SORCS1: variants seen among roughly 807,000 people sequenced by gnomAD.
SORCS1 encodes the protein sortilin related VPS10 domain containing receptor 1.
Under a neutral mutation model 146.1 loss-of-function variants are expected in SORCS1, and 60 were observed. That is an observed-to-expected ratio of 0.41 (90% CI 0.33 to 0.51). SORCS1 has a LOEUF of 0.51. SORCS1 is among the 20% of genes least tolerant of loss of function. SORCS1 has a pLI of 0.21. For synonymous variants in SORCS1, 637 were observed against 584.0 expected (o/e 1.09, Z -1.31); for missense variants, 1,352 against 1,487.6 (o/e 0.91, Z 1.50).
At chr10:107,048,835 C>A (rs975013914) in intron 1 of SORCS1, among the ~76,000 whole-genome samples, 1 of 152,158 alleles carries the variant, frequency 6.6e-6, no homozygotes, top group African/African-American at 2.4e-5. Context: ...TATTTTGACA[C>A]AGCCACATGA....
chr10:106,738,623 C>A (rs1032347202), intron 5 of SORCS1, among the ~76,000 whole-genome samples: 2 of 152,214 alleles, frequency 1.3e-5, no homozygotes, highest in Non-Finnish European at 2.9e-5. Flanking sequence ...AAGAGAGAAC[C>A]TCTCCACTTC....
Position 106,620,199 on chromosome 10 carries a change from C to T in SORCS1, c.2796+229G>A, listed in dbSNP as rs529777964. ...AAAGACAAGTACAGCTGGAGAAAAA[C>T]GTAAACATAGAGGAAGGCAGAGATG... On this transcript the variant is annotated intron_variant, in intron 20 of 25. Coordinates refer to ENST00000263054, the MANE Select transcript of SORCS1 (RefSeq NM_052918.5). The T allele has an allele frequency of 5.2e-5, 23 of 441,240 alleles. No individual in the cohort carries two copies. In the South Asian group the frequency reaches 5.7e-4, roughly 11 times the overall value. The allele number at this position is 441,240 out of a possible 1,614,324, so 27.3% of individuals were successfully genotyped here.
At chr10:106,622,902 TA>T (rs1439608260) in intron 19 of SORCS1, among the ~76,000 whole-genome samples, 1 of 152,164 alleles carries the variant, frequency 6.6e-6, no homozygotes, top group African/African-American at 2.4e-5. Flanking sequence ...AAATAGCTAT[TA>T]AGAGTTGCTG....
intron 2 of SORCS1, among the ~76,000 whole-genome samples, chr10:106,918,518 C>A (rs1208343882): frequency 6.6e-6 from 1 of 152,012 alleles, no homozygotes; most frequent in African/African-American, 2.4e-5. Context: ...TTGCTACATA[C>A]CCTCACATAC....
chr10:107,169,291 T>G (rs376715194), upstream of SORCS1, among the ~76,000 whole-genome samples: 4 of 152,292 alleles, frequency 2.6e-5, no homozygotes, highest in East Asian at 7.7e-4. Context: ...ATCAATTTCA[T>G]GAAGAACCAC....
At chr10:106,924,908 C>A (rs1186104505) in intron 2 of SORCS1, among the ~76,000 whole-genome samples, 1 of 152,056 alleles carries the variant, frequency 6.6e-6, no homozygotes, top group Non-Finnish European at 1.5e-5. Context: ...CTGTTTTCAA[C>A]AAACTTCAGA....
intron 18 of SORCS1, among the ~76,000 whole-genome samples, chr10:106,646,804 T>C (rs7088196): frequency 0.16 from 23,617 of 151,802 alleles, 2,531 homozygotes; most frequent in East Asian, 0.31. Context: ...TATTCCCATA[T>C]GGATATTCAA....
Position 106,873,500 on chromosome 10 carries a change from A to C in SORCS1, c.627-43827T>G, listed in dbSNP as rs1004133631. Among the ~76,000 whole-genome samples the C allele has an allele frequency of 5.3e-5, 8 of 152,222 alleles. No homozygotes were observed. In the East Asian group the frequency reaches 5.8e-4, roughly 11 times the overall value. ...CAGAAAACACTGTTTGAGGAAGGTG[A>C]ATTGGTGGCATATAATGTTAGAGAA... On this transcript the variant is annotated intron_variant, in intron 2 of 25. Transcript: ENST00000263054.
At chr10:106,820,018 A>G (rs1947933441) in intron 3 of SORCS1, among the ~76,000 whole-genome samples, 1 of 152,090 alleles carries the variant, frequency 6.6e-6, no homozygotes, top group African/African-American at 2.4e-5. Flanking sequence ...TCTCGGCTTT[A>G]CCTCTGTATC....
chr10:106,769,484 C>CAAAAAAAA (rs61628916), intron 4 of SORCS1, among the ~76,000 whole-genome samples: 2 of 84,352 alleles, frequency 2.4e-5, no homozygotes, highest in African/African-American at 4.7e-5. Flanking sequence ...GACTCCGTCT[C>CAAAAAAAA]AAAAAAAAAA....
chr10:107,095,120 GAGAA>G (rs1281542923), intron 1 of SORCS1, among the ~76,000 whole-genome samples: 1 of 152,162 alleles, frequency 6.6e-6, no homozygotes, highest in Non-Finnish European at 1.5e-5. Flanking sequence ...GACTGTGGAG[GAGAA>G]AGAGTTAGAG....
intron 1 of SORCS1, among the ~76,000 whole-genome samples, chr10:107,078,934 T>C (rs1407599911): frequency 6.6e-6 from 1 of 152,140 alleles, no homozygotes; most frequent in Non-Finnish European, 1.5e-5. Context: ...TTAAAAATGG[T>C]GTTGAGATCG....
rs540261317 is a variant in SORCS1, at chr10:106,576,479, G to GT, written c.*940dup. The GT allele has an allele frequency of 2.6e-5, 4 of 152,276 alleles. No individual in the cohort carries two copies. The highest frequency in any genetic ancestry group is 5.9e-5 in the Non-Finnish European group (4 of 68,068). The allele number at this position is 152,276 out of a possible 1,614,324, so 9.4% of individuals were successfully genotyped here. A position where few individuals can be genotyped will look rare whatever the true frequency, so the allele number is the denominator to read the frequency against. On this transcript the variant is annotated 3_prime_UTR_variant, in exon 26 of 26. Coordinates refer to ENST00000263054, the MANE Select transcript of SORCS1 (RefSeq NM_052918.5). ...AACAAATGTGAAGACAGGACAATGG[G>GT]TAACTAATGGGATTCCATTTCCTAC... is the stretch of plus-strand genomic sequence containing the variant.
intron 15 of SORCS1, among the ~76,000 whole-genome samples, chr10:106,672,660 T>C (rs1203918957): frequency 6.6e-6 from 1 of 152,246 alleles, no homozygotes; most frequent in East Asian, 1.9e-4. Context: ...TATCTCATTA[T>C]ATCCTAGCAC....
At position 106,963,110 on chromosome 10, in the gene SORCS1, A is replaced by ATTTTT. The variant is rs749174613; in HGVS notation, c.559-6535_559-6531dup. Among the ~76,000 whole-genome samples the ATTTTT allele has an allele frequency of 5.5e-4, 42 of 76,308 alleles. 6 individuals carry two copies. Among genetic ancestry groups the ATTTTT allele is most frequent in the South Asian group, 3.2e-3 (5 of 1,564 alleles). 50.1% of individuals were successfully genotyped at this position (76,308 alleles called of 152,430 possible). On this transcript the variant is annotated intron_variant, in intron 1 of 25. Transcript: ENST00000263054. The stretch of plus-strand genomic sequence containing the variant: ...AAGAGAGCAGTGTTCAATGGCCAGA[A>ATTTTT]TTTTTTTTTTTTTTTTTTTTTTTTT...
intron 1 of SORCS1, among the ~76,000 whole-genome samples, chr10:107,124,042 C>T (rs1966557008): frequency 1.3e-5 from 2 of 150,730 alleles, no homozygotes; most frequent in Non-Finnish European, 3.0e-5. Flanking sequence ...AGCCGAGGTC[C>T]TGCCACTGCA....
chr10:107,125,345 TATA>T (rs1315763670), intron 1 of SORCS1, among the ~76,000 whole-genome samples: 1 of 152,184 alleles, frequency 6.6e-6, no homozygotes, highest in African/African-American at 2.4e-5. Context: ...TTTCAAGGAT[TATA>T]ATGATATTTG....
At chr10:106,717,909 ACT>A (rs1855494390) in intron 6 of SORCS1, among the ~76,000 whole-genome samples, 1 of 151,960 alleles carries the variant, frequency 6.6e-6, no homozygotes, top group South Asian at 2.1e-4. Context: ...TTTTCCTGTG[ACT>A]CTGAATTTAT....
In SORCS1 at chr10:107,135,682, C is replaced by T. The variant is rs116326344; in HGVS notation, c.558+28287G>A. Among the ~76,000 whole-genome samples the T allele has an allele frequency of 4.3e-3, 652 of 152,262 alleles. 4 individuals carry two copies. Among genetic ancestry groups the T allele is most frequent in the African/African-American group, 0.014 (599 of 41,556 alleles). ...CACCGTATTGTCCAGAAAGCAATTA[C>T]GTCCAAGCATTATTCTCTACAATTT... On this transcript the variant is annotated intron_variant, in intron 1 of 25. Coordinates refer to ENST00000263054, the MANE Select transcript of SORCS1 (RefSeq NM_052918.5).
Sources: gnomAD v4.1 joint callset for allele counts (sites outside exome capture counted in the v4.1 genomes callset) on GRCh38, gnomAD v4.1.1 for gene constraint, MANE v1.5 for transcripts, NCBI Gene and HGNC (gene_info 2026-07-23, HGNC 2026-07-21) for gene names.